DNAJB1: variants seen among roughly 807,000 people sequenced by gnomAD.
DNAJB1 encodes DnaJ heat shock protein family (Hsp40) member B1.
DNAJB1 carries 14 observed loss-of-function variants against 24.0 expected under a neutral mutation model. That is an observed-to-expected ratio of 0.58 (90% CI 0.39 to 0.91). The LOEUF (loss-of-function observed/expected upper bound fraction) is 0.91, where lower values mean the gene tolerates loss of function less well. DNAJB1 is among the 40% of genes least tolerant of loss of function. The pLI is 0.00. For synonymous variants in DNAJB1, 262 were observed against 174.4 expected, an observed-to-expected ratio of 1.50 and a Z score of -3.96; for missense variants, 517 against 458.1, an observed-to-expected ratio of 1.13 and a Z score of -1.17.
At position 14,518,372 on chromosome 19, in the gene DNAJB1, A is replaced by ACCCGCTGTCGCCGT. The variant is rs1414238266; in HGVS notation, c.-37_-24dup. ...CATGACCCCCTCCTGCGGCCCGCCG[A>ACCCGCTGTCGCCGT]CCCGCTGTCGCCGTCCCCCGGCTCC... is the stretch of plus-strand genomic sequence containing the variant. On this transcript the variant is annotated 5_prime_UTR_variant, in exon 1 of 3. Transcript: ENST00000254322. 1.6e-5 allele frequency: 24 copies of ACCCGCTGTCGCCGT among 1,528,160 alleles called. No homozygotes were observed. Among genetic ancestry groups the ACCCGCTGTCGCCGT allele is most frequent in the Non-Finnish European group, 1.7e-5 (20 of 1,147,806 alleles). 94.7% of individuals were successfully genotyped at this position (1,528,160 alleles called of 1,614,324 possible).
chr19:14,556,333 G>A (rs1222699973), intron 1 of DNAJB1, among the ~76,000 whole-genome samples: 5 of 151,956 alleles, frequency 3.3e-5, no homozygotes, highest in Non-Finnish European at 5.9e-5. Context: ...ACTCTCAAAT[G>A]GCCATCCTCT....
intron 2 of DNAJB1, among the ~76,000 whole-genome samples, chr19:14,525,809 A>G (rs1319972377): frequency 6.6e-6 from 1 of 152,020 alleles, no homozygotes; most frequent in African/African-American, 2.4e-5. Flanking sequence ...TCAATGAAAA[A>G]AAAAAAAAGA....
intron 1 of DNAJB1, among the ~76,000 whole-genome samples, chr19:14,537,635 C>A (rs2072948900): frequency 1.3e-5 from 2 of 152,086 alleles, no homozygotes; most frequent in African/African-American, 4.8e-5. Flanking sequence ...CTTGCTGATA[C>A]TGATAGTGGC....
chr19:14,529,994 C>T (rs1055006155), upstream of DNAJB1: 2 of 544,962 alleles, frequency 3.7e-6, no homozygotes, highest in South Asian at 2.1e-5. Flanking sequence ...GCTCCCCCAG[C>T]GGGCTGAGTT....
In DNAJB1 at chr19:14,535,212, A is replaced by C. The variant is rs565987447; in HGVS notation, c.-213-7402T>G. Among the ~76,000 whole-genome samples, 26 of 151,306 alleles carry C rather than the reference A, an allele frequency of 1.7e-4. No individual in the cohort carries two copies. The South Asian group carries it at 4.8e-3, about 28-fold the overall frequency. On this transcript the variant is annotated intron_variant, in intron 1 of 3. Transcript: ENST00000676982. ...ACATGGCGAAACCCCCTCTCCACTA[A>C]AAATATAAAAATTGGCCGGGTGCAG...
intron 2 of DNAJB1, among the ~76,000 whole-genome samples, chr19:14,526,881 C>T (rs912025590): frequency 6.6e-6 from 1 of 152,060 alleles, no homozygotes; most frequent in African/African-American, 2.4e-5. Flanking sequence ...AATCAAGTAC[C>T]TCAGGTAACT....
At chr19:14,516,363 C>T (rs570741112) in intron 2 of DNAJB1, 103 bp downstream of exon 2, 3 of 1,364,886 alleles carry the variant, frequency 2.2e-6, no homozygotes, top group African/African-American at 1.5e-5. Context: ...TGCCCCAAGC[C>T]TGGCACGCAC....
chr19:14,550,546 A>G (rs1462574294), upstream of DNAJB1, among the ~76,000 whole-genome samples: 3 of 152,120 alleles, frequency 2.0e-5, no homozygotes, highest in East Asian at 3.9e-4. Context: ...GTCGTCCCCA[A>G]CTGCCACCCA....
intron 1 of DNAJB1, among the ~76,000 whole-genome samples, chr19:14,528,810 G>T (rs2072501051): frequency 6.6e-6 from 1 of 152,238 alleles, no homozygotes; most frequent in South Asian, 2.1e-4. Flanking sequence ...CGGGCGTGGT[G>T]GCGGGTGCCT....
At chr19:14,549,467 T>TC (rs554539807) in intron 1 of DNAJB1, among the ~76,000 whole-genome samples, 3 of 151,978 alleles carry the variant, frequency 2.0e-5, no homozygotes, top group Non-Finnish European at 4.4e-5. Context: ...TGATCTGCCC[T>TC]CCTTGGCCCC....
intron 1 of DNAJB1, among the ~76,000 whole-genome samples, chr19:14,556,112 A>G (rs2073712206): frequency 6.6e-6 from 1 of 152,090 alleles, no homozygotes; most frequent in African/African-American, 2.4e-5. Flanking sequence ...ACAGACCGCC[A>G]CATCACCTTT....
chr19:14,529,816 G>A (rs563538514), upstream of DNAJB1: 17 of 1,543,394 alleles, frequency 1.1e-5, no homozygotes, highest in African/African-American at 2.0e-4. Context: ...CCCGAAGGAA[G>A]AGCCAGACGG....
At position 14,516,504 on chromosome 19, in the gene DNAJB1, A is replaced by C; in HGVS notation, c.754T>G (p.Ser252Ala). 1.9e-6 allele frequency: 3 copies of C among 1,614,090 alleles called. No homozygotes were observed. The highest frequency in any genetic ancestry group is 1.7e-6 in the Non-Finnish European group (2 of 1,179,942). ...ATCCTGGCAGGATAAATGACATCAG[A>C]GCCATCTCTCTTAAAGATATTGTGG... ...KPHNIFKRDG[S>A]DVIYPARISL... Residue 252 changes from serine (S) to alanine (A), a missense_variant, in exon 2 of 3, where the codon TCT becomes GCT. By Grantham distance (99) the Ser-to-Ala change is moderately conservative. Coordinates refer to ENST00000254322, the MANE Select transcript of DNAJB1 (RefSeq NM_006145.3).
upstream of DNAJB1, among the ~76,000 whole-genome samples, chr19:14,555,042 G>C (rs1315233284): frequency 6.6e-6 from 1 of 151,482 alleles, no homozygotes; most frequent in African/African-American, 2.4e-5. Flanking sequence ...CTCCCAGAGT[G>C]CTGGGATTAC....
In DNAJB1 at chr19:14,515,839, C is replaced by T; in HGVS notation, c.*101G>A. ...ACATTCAGCAGTACGAAAGCCCTCC[C>T]TGGGCCCTCCCACCCTCTCATGGTC... On this transcript the variant is annotated 3_prime_UTR_variant, in exon 3 of 3. Coordinates refer to ENST00000254322, the MANE Select transcript of DNAJB1 (RefSeq NM_006145.3). The T allele has an allele frequency of 1.7e-6, 2 of 1,159,966 alleles. No individual in the cohort carries two copies. Among genetic ancestry groups the T allele is most frequent in the South Asian group, 2.8e-5 (2 of 72,168 alleles). 71.9% of individuals were successfully genotyped at this position (1,159,966 alleles called of 1,614,324 possible).
chr19:14,520,236 G>A (rs1467613604), upstream of DNAJB1, among the ~76,000 whole-genome samples: 1 of 152,144 alleles, frequency 6.6e-6, no homozygotes, highest in Admixed American at 6.5e-5. Flanking sequence ...CTTAGTGGTG[G>A]GCTCTTCAGC....
chr19:14,518,021 G>A, intron 1 of DNAJB1, 118 bp downstream of exon 1: 2 of 1,139,048 alleles, frequency 1.8e-6, no homozygotes, highest in Non-Finnish European at 1.2e-6. Context: ...GGAGGGCGGG[G>A]CAGCTCGGCC....
At chr19:14,532,425 A>G (rs1305743047), upstream of DNAJB1, 1 of 150,802 alleles carries the variant, frequency 6.6e-6, no homozygotes, top group Non-Finnish European at 1.5e-5. Flanking sequence ...ACACGCCTGT[A>G]ATCTCAGCTA....
intron 1 of DNAJB1, 90 bp from the exon 2 acceptor site, chr19:14,517,136 G>A (rs2072282171): frequency 5.8e-6 from 8 of 1,390,814 alleles, no homozygotes; most frequent in East Asian, 2.3e-5. Flanking sequence ...TGGAAGCCAT[G>A]GGGGAGGAAC....
Sources: gnomAD v4.1 joint callset for allele counts (sites outside exome capture counted in the v4.1 genomes callset) on GRCh38, gnomAD v4.1.1 for gene constraint, MANE v1.5 for transcripts, NCBI Gene and HGNC (gene_info 2026-07-23, HGNC 2026-07-21) for gene names.